ACAD10: variants seen among roughly 807,000 people sequenced by gnomAD.
ACAD10 encodes ACAD-10.
In ACAD10, 112 loss-of-function variants were observed where a neutral mutation model predicts 116.8. That is an observed-to-expected ratio of 0.96 (90% CI 0.82 to 1.12). ACAD10 has a LOEUF of 1.12. Among genes scored for constraint, ACAD10 ranks in the 50% most tolerant of loss-of-function variants. ACAD10 has a pLI of 0.00. For synonymous variants in ACAD10, 486 were observed against 510.6 expected (o/e 0.95, Z 0.65); for missense variants, 1,259 against 1,350.2 (o/e 0.93, Z 1.06).
chr12:111,728,105 A>C lies in ACAD10; in HGVS notation c.1205A>C (p.Asp402Ala). The change falls in exon 9 of 21, where the codon GAT becomes GCT. Residue 402 changes from aspartate (D) to alanine (A), a missense_variant. By Grantham distance (126) the Asp-to-Ala change is moderately radical. Transcript: ENST00000313698. ...GTCCTGTGCAAAATTCACAGTGTGGATCTGCAGGCTGTGGGACTTGAAGAC... is the reference window on the plus strand; with the variant it reads ...GTCCTGTGCAAAATTCACAGTGTGGCTCTGCAGGCTGTGGGACTTGAAGAC... ...NTVLCKIHSV[D>A]LQAVGLEDYG... 1 of 1,612,946 alleles carries C rather than the reference A, an allele frequency of 6.2e-7. No homozygotes were observed. The highest frequency in any genetic ancestry group is 8.5e-7 in the Non-Finnish European group (1 of 1,179,526).
At position 111,748,493 on chromosome 12, in the gene ACAD10, G is replaced by C; in HGVS notation, c.2644+18G>C. The C allele has an allele frequency of 6.2e-7, 1 of 1,612,190 alleles. No homozygotes were observed. Among genetic ancestry groups the C allele is most frequent in the Non-Finnish European group, 8.5e-7 (1 of 1,179,760 alleles). On this transcript the variant is annotated intron_variant, in intron 17 of 20. Coordinates refer to ENST00000313698, the MANE Select transcript of ACAD10 (RefSeq NM_025247.6). ...TGCACCAGGTGAGACCTCCAGGGGC[G>C]GGTCACCCCTGGGTGTGGGTCTGGT... is the stretch of plus-strand genomic sequence containing the variant.
intron 11 of ACAD10, among the ~76,000 whole-genome samples, chr12:111,736,416 C>T (rs149942099): frequency 0.014 from 2,117 of 152,244 alleles, 23 homozygotes; most frequent in Admixed American, 0.026. Flanking sequence ...GTCTTGAACT[C>T]CTGACCTCAG....
intron 2 of ACAD10, among the ~76,000 whole-genome samples, chr12:111,700,741 T>TCCTC (rs1566142856): frequency 6.7e-6 from 1 of 149,564 alleles, no homozygotes; most frequent in East Asian, 1.9e-4. Context: ...CTTCCTTCCT[T>TCCTC]CCTCTTCTTT....
At chr12:111,697,837 G>T (rs1430384581) in intron 2 of ACAD10, among the ~76,000 whole-genome samples, 1 of 151,724 alleles carries the variant, frequency 6.6e-6, no homozygotes, top group Non-Finnish European at 1.5e-5. Context: ...GCCCGCCTTG[G>T]CCTCCCAAAG....
chr12:111,737,956 A>G (rs1889620871), intron 12 of ACAD10, among the ~76,000 whole-genome samples: 1 of 151,902 alleles, frequency 6.6e-6, no homozygotes, highest in Non-Finnish European at 1.5e-5. Context: ...CAGCTCAAGC[A>G]ATTCTCATGC....
At chr12:111,691,366 T>C (rs7980705) in intron 1 of ACAD10, among the ~76,000 whole-genome samples, 2,377 of 152,182 alleles carry the variant, frequency 0.016, 72 homozygotes, top group African/African-American at 0.054. Flanking sequence ...CTTAGGTGCA[T>C]ACAGGAGAGA....
At chr12:111,716,706 A>G (rs1167100769) in intron 7 of ACAD10, among the ~76,000 whole-genome samples, 1 of 151,954 alleles carries the variant, frequency 6.6e-6, no homozygotes, top group Non-Finnish European at 1.5e-5. Flanking sequence ...AATACGAAAA[A>G]TTAGTTGGGT....
At chr12:111,738,624 T>C (rs1889643331) in intron 12 of ACAD10, among the ~76,000 whole-genome samples, 1 of 152,020 alleles carries the variant, frequency 6.6e-6, no homozygotes, top group Admixed American at 6.6e-5. Context: ...CCCAGCACTT[T>C]GGGAGGCCAA....
rs576218219 is a variant in ACAD10, at chr12:111,753,766, C to T, written c.2818-6C>T. On this transcript the variant is annotated splice_polypyrimidine_tract_variant and splice_region_variant and intron_variant, in intron 18 of 20. Coordinates refer to ENST00000313698, the MANE Select transcript of ACAD10 (RefSeq NM_025247.6). ...GTCCTCAGCCGCACATCTCCTGTGT[C>T]GACAGGTGAAGTCCCGCTTGGCTTT... 9.3e-6 allele frequency: 15 copies of T among 1,613,822 alleles called. No individual in the cohort carries two copies. The highest frequency in any genetic ancestry group is 5.5e-5 in the South Asian group (5 of 91,084).
intron 4 of ACAD10, among the ~76,000 whole-genome samples, chr12:111,709,274 G>T (rs1454475188): frequency 2.6e-5 from 4 of 152,238 alleles, no homozygotes; most frequent in African/African-American, 9.6e-5. Flanking sequence ...GGCTTTGCTC[G>T]TTTGCACAGG....
Position 111,753,658 on chromosome 12 carries a change from C to G in ACAD10, c.2818-114C>G, listed in dbSNP as rs538326671. ...GATGCACAGTCCTGGTTTCACTCTCCTCCCCTGCCCTGTCCTGTCTGCTTC... is the reference window on the plus strand; with the variant it reads ...GATGCACAGTCCTGGTTTCACTCTCGTCCCCTGCCCTGTCCTGTCTGCTTC... On this transcript the variant is annotated intron_variant, in intron 18 of 20. Coordinates refer to ENST00000313698, the MANE Select transcript of ACAD10 (RefSeq NM_025247.6). 12 of 1,408,984 alleles carry G rather than the reference C, an allele frequency of 8.5e-6. No individual in the cohort carries two copies. The African/African-American group carries it at 1.6e-4, about 18-fold the overall frequency. The allele number at this position is 1,408,984 out of a possible 1,614,324, so 87.3% of individuals were successfully genotyped here.
At chr12:111,714,953 TG>T (rs772594485) in intron 6 of ACAD10, among the ~76,000 whole-genome samples, 12 of 152,090 alleles carry the variant, frequency 7.9e-5, no homozygotes, top group Non-Finnish European at 1.8e-4. Flanking sequence ...TAATCTCAGG[TG>T]ATCTACCCGC....
At chr12:111,720,891 C>A (rs1888996573) in intron 7 of ACAD10, among the ~76,000 whole-genome samples, 1 of 151,966 alleles carries the variant, frequency 6.6e-6, no homozygotes, top group African/African-American at 2.4e-5. Context: ...TCAAGTGATT[C>A]TCATGCTTCA....
chr12:111,740,664 C>T (rs1488068669), intron 12 of ACAD10, among the ~76,000 whole-genome samples: 2 of 150,208 alleles, frequency 1.3e-5, no homozygotes, highest in Non-Finnish European at 3.0e-5. Flanking sequence ...GTCTGTAATC[C>T]CAGCTAACTA....
intron 10 of ACAD10, among the ~76,000 whole-genome samples, chr12:111,731,391 G>A (rs1257182645): frequency 6.6e-6 from 1 of 152,216 alleles, no homozygotes; most frequent in Non-Finnish European, 1.5e-5. Flanking sequence ...TAGAGCACTT[G>A]CCTGACAACA....
At chr12:111,708,626 C>A (rs1303440877) in intron 4 of ACAD10, among the ~76,000 whole-genome samples, 1 of 152,064 alleles carries the variant, frequency 6.6e-6, no homozygotes, top group Non-Finnish European at 1.5e-5. Flanking sequence ...TGTCCTTGGC[C>A]TTGGAGAGCT....
Position 111,749,174 on chromosome 12 carries a change from T to C in ACAD10, c.2646T>C (p.Gly882=). The change falls in exon 18 of 21, where the codon GGT becomes GGC. Residue 882 remains glycine, a splice_region_variant and synonymous_variant. Transcript: ENST00000313698. ...ACAGTGATCGTTTGGGTCTTTCAGG[T>C]GGCCATGGTGAAGTCCGATTTGAGC... ...LTVYGLEDAP[G]GHGEVRFEHV... is the part of the protein sequence containing the mutation. 6.2e-7 allele frequency: 1 copy of C among 1,612,700 alleles called. No homozygotes were observed. The highest frequency in any genetic ancestry group is 2.2e-5 in the East Asian group (1 of 44,834).
chr12:111,728,212 T>C (rs1667114849), intron 9 of ACAD10, 69 bp downstream of exon 9: 1 of 1,464,876 alleles, frequency 6.8e-7, no homozygotes, highest in Non-Finnish European at 9.2e-7. Context: ...AGGATCTGAA[T>C]CGTTTTGGGT....
At chr12:111,746,355 A>G in intron 14 of ACAD10, 71 bp downstream of exon 14, 1 of 1,484,642 alleles carries the variant, frequency 6.7e-7, no homozygotes, top group East Asian at 2.5e-5. Context: ...TCCTAAACAG[A>G]TAAACCAGAT....
Sources: gnomAD v4.1 joint callset for allele counts (sites outside exome capture counted in the v4.1 genomes callset) on GRCh38, gnomAD v4.1.1 for gene constraint, MANE v1.5 for transcripts, NCBI Gene and HGNC (gene_info 2026-07-23, HGNC 2026-07-21) for gene names.